CCDC60: variants seen among roughly 807,000 people sequenced by gnomAD.
CCDC60 encodes coiled-coil domain-containing protein 60.
In CCDC60, 54 loss-of-function variants were observed where a neutral mutation model predicts 63.5. The ratio of observed to expected loss-of-function variants is 0.85; its 90% CI spans 0.68 to 1.07. CCDC60 has a LOEUF of 1.07. Ranked by LOEUF, CCDC60 falls within the 50% of genes least tolerant of loss-of-function variation. The probability of loss-of-function intolerance (pLI) is 0.00; values close to 1 mark genes in which losing one functional copy is unlikely to be tolerated. For synonymous variants in CCDC60, 206 were observed against 238.8 expected (o/e 0.86, Z 1.27); for missense variants, 651 against 684.3 (o/e 0.95, Z 0.54).
At chr12:119,519,409 G>A (rs915143618) in intron 8 of CCDC60, among the ~76,000 whole-genome samples, 11 of 118,310 alleles carry the variant, frequency 9.3e-5, no homozygotes, top group African/African-American at 5.3e-4. Flanking sequence ...ATATGTGTGT[G>A]TGTGTGTGTG....
intron 6 of CCDC60, among the ~76,000 whole-genome samples, chr12:119,504,619 A>G (rs1951943229): frequency 6.6e-6 from 1 of 152,210 alleles, no homozygotes; most frequent in Non-Finnish European, 1.5e-5. Flanking sequence ...CTGGGGGACT[A>G]GGAAGTGTAC....
chr12:119,389,975 A>G (rs1292374116), intron 1 of CCDC60, among the ~76,000 whole-genome samples: 1 of 152,232 alleles, frequency 6.6e-6, no homozygotes, highest in Non-Finnish European at 1.5e-5. Context: ...ACATGAAAGA[A>G]GTAGACTTTC....
intron 2 of CCDC60, among the ~76,000 whole-genome samples, chr12:119,452,577 T>C (rs1950654201): frequency 6.6e-6 from 1 of 152,208 alleles, no homozygotes; most frequent in Non-Finnish European, 1.5e-5. Context: ...CCTTGAAGGA[T>C]TGTTTTCAGA....
chr12:119,378,337 T>C (rs1205143014), intron 1 of CCDC60, among the ~76,000 whole-genome samples: 2 of 152,236 alleles, frequency 1.3e-5, no homozygotes, highest in African/African-American at 4.8e-5. Flanking sequence ...TAGCTTGCCT[T>C]TCTATGTCTG....
chr12:119,439,713 A>T (rs1950401738), intron 2 of CCDC60, among the ~76,000 whole-genome samples: 1 of 152,184 alleles, frequency 6.6e-6, no homozygotes, highest in Non-Finnish European at 1.5e-5. Flanking sequence ...GATGTTTAAG[A>T]AATGCTGTGA....
chr12:119,427,441 C>A (rs191769384), intron 1 of CCDC60, among the ~76,000 whole-genome samples: 23 of 152,106 alleles, frequency 1.5e-4, no homozygotes, highest in African/African-American at 5.5e-4. Flanking sequence ...TGTGTAGATA[C>A]ACCATAATTA....
chr12:119,499,991 C>A, intron 5 of CCDC60, 87 bp from the exon 6 acceptor site: 1 of 929,338 alleles, frequency 1.1e-6, no homozygotes, highest in Non-Finnish European at 1.8e-6. Flanking sequence ...GCCACCATTC[C>A]TCCTCTATTT....
intron 1 of CCDC60, among the ~76,000 whole-genome samples, chr12:119,361,005 G>C (rs538142579): frequency 1.3e-5 from 2 of 151,814 alleles, no homozygotes; most frequent in Non-Finnish European, 2.9e-5. Context: ...GCGTGGCGGC[G>C]TGCGCCTGCA....
At chr12:119,453,046 C>G (rs537416946) in intron 2 of CCDC60, among the ~76,000 whole-genome samples, 1 of 152,128 alleles carries the variant, frequency 6.6e-6, no homozygotes, top group Non-Finnish European at 1.5e-5. Context: ...AGACTGGTCT[C>G]GAACTCCTGA....
chr12:119,353,598 CTTTTTTTTTTTTTTT>C (rs71072514), intron 1 of CCDC60, among the ~76,000 whole-genome samples: 2,340 of 68,388 alleles, frequency 0.034, 71 homozygotes, highest in Middle Eastern at 0.11. Context: ...TCTTCTTCTT[CTTTTTTTTTTTTTTT>C]TTTTTTTTTT....
chr12:119,483,201 T>G (rs1332991050), intron 4 of CCDC60, among the ~76,000 whole-genome samples: 1 of 152,092 alleles, frequency 6.6e-6, no homozygotes, highest in Non-Finnish European at 1.5e-5. Context: ...CATCCCAAAG[T>G]GTGCAAAGCA....
chr12:119,435,081 G>A (rs747837429), intron 2 of CCDC60, among the ~76,000 whole-genome samples: 1 of 152,178 alleles, frequency 6.6e-6, no homozygotes, highest in Non-Finnish European at 1.5e-5. Flanking sequence ...CCACAGGACT[G>A]GCTAATGGAT....
At chr12:119,509,505 T>C (rs963588311) in intron 7 of CCDC60, among the ~76,000 whole-genome samples, 1 of 152,188 alleles carries the variant, frequency 6.6e-6, no homozygotes, top group Non-Finnish European at 1.5e-5. Flanking sequence ...AACAATCAAC[T>C]GGAGCTTGGT....
intron 1 of CCDC60, among the ~76,000 whole-genome samples, chr12:119,408,708 C>T (rs1005627240): frequency 3.3e-5 from 5 of 152,082 alleles, no homozygotes; most frequent in Non-Finnish European, 7.4e-5. Flanking sequence ...CGCCTGTAGT[C>T]CCAGCTACTT....
chr12:119,403,071 A>C (rs746810174), intron 1 of CCDC60, among the ~76,000 whole-genome samples: 1 of 152,178 alleles, frequency 6.6e-6, no homozygotes, highest in Non-Finnish European at 1.5e-5. Flanking sequence ...CTTCATTCTC[A>C]GGCAGGCTTT....
chr12:119,399,618 A>G (rs2136219915), intron 1 of CCDC60, among the ~76,000 whole-genome samples: 1 of 152,310 alleles, frequency 6.6e-6, no homozygotes, highest in Middle Eastern at 3.4e-3. Context: ...TTGCAGAGCC[A>G]AAGATCAAAG....
intron 1 of CCDC60, among the ~76,000 whole-genome samples, chr12:119,360,815 G>A (rs1486869198): frequency 2.6e-5 from 4 of 152,168 alleles, no homozygotes; most frequent in Non-Finnish European, 4.4e-5. Context: ...AGCGAGCCGA[G>A]ATCATGCCAC....
intron 1 of CCDC60, among the ~76,000 whole-genome samples, chr12:119,377,678 A>G (rs1372578623): frequency 6.6e-6 from 1 of 152,208 alleles, no homozygotes; most frequent in Non-Finnish European, 1.5e-5. Flanking sequence ...ACAACTAGCA[A>G]ATGAAAAAAT....
At chr12:119,470,140 C>A (rs1175832106) in intron 2 of CCDC60, among the ~76,000 whole-genome samples, 2 of 152,192 alleles carry the variant, frequency 1.3e-5, no homozygotes, top group Non-Finnish European at 2.9e-5. Context: ...TGCATTTACA[C>A]CTGATATTCC....
Sources: gnomAD v4.1 joint callset for allele counts (sites outside exome capture counted in the v4.1 genomes callset) on GRCh38, gnomAD v4.1.1 for gene constraint, MANE v1.5 for transcripts, NCBI Gene and HGNC (gene_info 2026-07-23, HGNC 2026-07-21) for gene names.